SLC5A10: variants seen among roughly 807,000 people sequenced by gnomAD.
SLC5A10 encodes sodium/mannose cotransporter SLC5A10.
In SLC5A10, 55 loss-of-function variants were observed where a neutral mutation model predicts 68.9. The observed-to-expected ratio is 0.80, with a 90% CI of 0.64 to 1.00. SLC5A10 has a LOEUF of 1.00. Ranked by LOEUF, SLC5A10 falls within the 50% of genes least tolerant of loss-of-function variation. The pLI is 0.00. For missense variants in SLC5A10, 732 were observed against 819.3 expected (o/e 0.89, Z 1.30); for synonymous variants, 344 against 344.8 (o/e 1.00, Z 0.02).
At chr17:18,984,142 A>G (rs918542905) in intron 9 of SLC5A10, among the ~76,000 whole-genome samples, 1 of 152,048 alleles carries the variant, frequency 6.6e-6, no homozygotes. Context: ...GCAGATCGAG[A>G]CCATCCTGGC....
At chr17:18,984,522 T>C (rs1407561837) in intron 9 of SLC5A10, among the ~76,000 whole-genome samples, 1 of 152,186 alleles carries the variant, frequency 6.6e-6, no homozygotes, top group Non-Finnish European at 1.5e-5. Flanking sequence ...TTCCTCACCG[T>C]GTGCCTTCCC....
intron 9 of SLC5A10, among the ~76,000 whole-genome samples, chr17:18,984,611 T>G (rs982180269): frequency 3.3e-5 from 5 of 152,336 alleles, no homozygotes; most frequent in African/African-American, 1.2e-4. Context: ...CTGCTGGTAT[T>G]TCCAGTTTGG....
rs148561495 is a variant in SLC5A10, at chr17:18,994,675, T to A, written c.982+17686T>A. Among the ~76,000 whole-genome samples, 1,310 of 152,154 alleles carry A rather than the reference T, an allele frequency of 8.6e-3. 16 individuals are homozygous for A. The highest frequency in any genetic ancestry group is 0.03 in the African/African-American group (1,243 of 41,476). ...ACAGAAACCCCTCCTAACACACAGG[T>A]CCTGCAGGGGGTGTCCTCAGAAGGA... On this transcript the variant is annotated intron_variant, in intron 9 of 14. Transcript: ENST00000395645.
intron 9 of SLC5A10, among the ~76,000 whole-genome samples, chr17:19,002,309 A>T (rs2043751078): frequency 6.6e-6 from 1 of 152,120 alleles, no homozygotes; most frequent in Non-Finnish European, 1.5e-5. Flanking sequence ...GCCCCCACCC[A>T]GCTAGCTGAC....
chr17:18,958,789 T>A, intron 2 of SLC5A10, 36 bp downstream of exon 2: 1 of 1,606,740 alleles, frequency 6.2e-7, no homozygotes, highest in Non-Finnish European at 8.5e-7. Flanking sequence ...ACCCCCACTT[T>A]GTCCGTGGGG....
intron 9 of SLC5A10, among the ~76,000 whole-genome samples, chr17:18,982,218 G>A (rs996253940): frequency 7.2e-5 from 11 of 152,320 alleles, no homozygotes; most frequent in Admixed American, 5.9e-4. Context: ...TTAGCACACA[G>A]CAGGGCGGGC....
rs149139954 is a variant in SLC5A10 at position 18,963,072 on chromosome 17, A to G, written c.453+2420A>G. ...ATCTCTACTAAAATACAAAAAAATT[A>G]GCCAAATGTGGTGGCATGCGCCTGT... On this transcript the variant is annotated intron_variant, in intron 5 of 14. Transcript: ENST00000395645. Among the ~76,000 whole-genome samples, 32 of 152,344 alleles carry G rather than the reference A, an allele frequency of 2.1e-4. 1 individual carries two copies. The East Asian group carries it at 3.9e-3, about 18-fold the overall frequency.
rs373051640 is a variant in SLC5A10, at chr17:19,003,606, G to C, written c.983-9804G>C. 1 of 1,611,358 alleles carries C rather than the reference G, an allele frequency of 6.2e-7. No homozygotes were observed. Among genetic ancestry groups the C allele is most frequent in the South Asian group, 1.1e-5 (1 of 90,832 alleles). The stretch of plus-strand genomic sequence containing the variant: ...GGGGGCTGCATGTAGACGCTAGCCC[G>C]GGTCACGCCGCGGTAGGCGATGGTG... On this transcript the variant is annotated intron_variant, in intron 9 of 14. Transcript: ENST00000395645. The surrounding 1 kb of genome is among the most constrained non-coding windows in gnomAD (Gnocchi z 4.5).
In SLC5A10 at chr17:19,019,906, C is replaced by G. The variant is rs774693004; in HGVS notation, c.1604C>G (p.Thr535Ser). 6.2e-7 allele frequency: 1 copy of G among 1,608,470 alleles called. No individual in the cohort carries two copies. Among genetic ancestry groups the G allele is most frequent in the African/African-American group, 1.3e-5 (1 of 74,816 alleles). ...GAVVVAGSLL[T>S]PPPQSVQIEN... is the part of the protein sequence containing the mutation. ...GTTGTGGTGGCTGGAAGCCTGCTGA[C>G]CCCACCCCCACAGAGTGTCCAGGTG... Residue 535 changes from threonine (T) to serine (S), a missense_variant, in exon 13 of 15, where the codon ACC (threonine) becomes AGC (serine). Transcript: ENST00000395645.
In SLC5A10 at chr17:18,969,078, T is replaced by G; in HGVS notation, c.480T>G (p.Phe160Leu). The G allele has an allele frequency of 6.2e-7, 1 of 1,614,038 alleles. No homozygotes were observed. The highest frequency in any genetic ancestry group is 8.5e-7 in the Non-Finnish European group (1 of 1,179,962). ...ISLDLYAGAL[F>L]VHICLGWNFY... ...TGGACCTGTACGCGGGGGCTCTGTT[T>G]GTGCACATCTGCCTGGGCTGGAACT... Residue 160 changes from phenylalanine (F) to leucine (L), a missense_variant, in exon 6 of 15, where the codon TTT becomes TTG. Phe to Leu is a conservative substitution (Grantham distance 22). Transcript: ENST00000395645.
rs144946495 is a variant in SLC5A10 at position 18,979,885 on chromosome 17, C to T, written c.982+2896C>T. ...GCTGCTGAGCCGTGAAGCTACAGAG[C>T]GGGCAGGCACTGGTACAAAGGGGTT... On this transcript the variant is annotated intron_variant, in intron 9 of 14. Coordinates refer to ENST00000395645, the MANE Select transcript of SLC5A10 (RefSeq NM_001042450.4). Among the ~76,000 whole-genome samples, 842 of 152,196 alleles carry T rather than the reference C, an allele frequency of 5.5e-3. 10 individuals carry two copies. The highest frequency in any genetic ancestry group is 0.019 in the African/African-American group (802 of 41,522).
chr17:18,988,573 G>A (rs1033072344), intron 9 of SLC5A10, among the ~76,000 whole-genome samples: 2 of 152,228 alleles, frequency 1.3e-5, no homozygotes, highest in African/African-American at 4.8e-5. Context: ...GAAGTGAGGG[G>A]CCAGGGGCCT....
intron 9 of SLC5A10, among the ~76,000 whole-genome samples, chr17:18,997,788 C>T (rs1487204795): frequency 2.0e-5 from 3 of 152,194 alleles, no homozygotes; most frequent in Admixed American, 2.0e-4. Flanking sequence ...GCTCTCAGGA[C>T]AGGAGTGAGG....
rs777080316 is a variant in SLC5A10, at chr17:19,015,200, G to A, written c.1241+1G>A. On this transcript the variant is annotated splice_donor_variant, in intron 11 of 14. Coordinates refer to ENST00000395645, the MANE Select transcript of SLC5A10 (RefSeq NM_001042450.4). LOFTEE classifies it high-confidence loss of function. ...AGCGGGAGCTCCTGCTGGTGGGACGGTACGGGGGTGGGGGCCAGTACGGGG... is the reference window on the plus strand; with the variant it reads ...AGCGGGAGCTCCTGCTGGTGGGACGATACGGGGGTGGGGGCCAGTACGGGG... The A allele has an allele frequency of 2.9e-6, 4 of 1,396,208 alleles. No individual in the cohort carries two copies. Among genetic ancestry groups the A allele is most frequent in the Non-Finnish European group, 4.0e-6 (4 of 1,008,482 alleles). The allele number at this position is 1,396,208 out of a possible 1,614,324, so 86.5% of individuals were successfully genotyped here. A position where few individuals can be genotyped will look rare whatever the true frequency, so the allele number is the denominator to read the frequency against.
In SLC5A10 at chr17:19,003,633, C is replaced by G; in HGVS notation, c.983-9777C>G. ...GTCACGCCGCGGTAGGCGATGGTGT[C>G]GGGCCAGCCCAGGTCCAGCTGCGGG... is the stretch of plus-strand genomic sequence containing the variant. On this transcript the variant is annotated intron_variant, in intron 9 of 14. Transcript: ENST00000395645. The surrounding 1 kb of genome is among the most constrained non-coding windows in gnomAD (Gnocchi z 4.5). The G allele has an allele frequency of 6.2e-7, 1 of 1,612,236 alleles. No individual in the cohort carries two copies. Among genetic ancestry groups the G allele is most frequent in the Non-Finnish European group, 8.5e-7 (1 of 1,179,502 alleles).
At chr17:18,992,534 A>G (rs1567800685) in intron 9 of SLC5A10, among the ~76,000 whole-genome samples, 1 of 152,214 alleles carries the variant, frequency 6.6e-6, no homozygotes, top group African/African-American at 2.4e-5. Flanking sequence ...GGGGTGGGAC[A>G]GGGCTTTAGG....
chr17:18,958,646 G>A (rs775823556), intron 1 of SLC5A10, 36 bp from the exon 2 acceptor site: 47 of 1,605,048 alleles, frequency 2.9e-5, no homozygotes, highest in South Asian at 1.1e-4. Flanking sequence ...AGCAGTGTGC[G>A]GGCTTCCAAC....
At chr17:19,002,782 G>GC (rs987606664) in intron 9 of SLC5A10, among the ~76,000 whole-genome samples, 4 of 152,148 alleles carry the variant, frequency 2.6e-5, no homozygotes, top group African/African-American at 9.7e-5. Context: ...GCCAAGAATG[G>GC]CCCCCCACAG....
At chr17:18,953,448 C>T (rs1301411306) in intron 1 of SLC5A10, 1 of 152,722 alleles carries the variant, frequency 6.5e-6, no homozygotes, top group Non-Finnish European at 1.5e-5. Flanking sequence ...CCGTTCTTAT[C>T]TTCCATAACC....
Sources: allele counts gnomAD v4.1 joint callset (sites outside exome capture counted in the v4.1 genomes callset), GRCh38; gene constraint gnomAD v4.1.1; non-coding constraint Gnocchi (gnomAD v3.1); transcripts MANE v1.5; gene names NCBI Gene and HGNC (gene_info 2026-07-23, HGNC 2026-07-21).